TAMM41: variants seen among roughly 807,000 people sequenced by gnomAD.
TAMM41 encodes phosphatidate cytidylyltransferase, mitochondrial.
In TAMM41, 36 loss-of-function variants were observed where a neutral mutation model predicts 44.1. The observed-to-expected ratio is 0.82, with a 90% CI of 0.63 to 1.08. TAMM41 has a LOEUF of 1.08. Among genes scored for constraint, TAMM41 ranks in the 50% least tolerant of loss-of-function variants. The probability of loss-of-function intolerance (pLI) is 0.00; values close to 1 mark genes in which losing one functional copy is unlikely to be tolerated. For synonymous variants in TAMM41, 164 were observed against 153.1 expected (o/e 1.07, Z -0.53); for missense variants, 417 against 404.3 (o/e 1.03, Z -0.27).
intron 4 of TAMM41, among the ~76,000 whole-genome samples, chr3:11,820,025 C>T (rs984391445): frequency 6.6e-6 from 1 of 152,074 alleles, no homozygotes; most frequent in East Asian, 1.9e-4. Flanking sequence ...TGATTTTACT[C>T]TATAATTTCC....
chr3:11,845,839 A>C (rs2079658582), intron 1 of TAMM41, among the ~76,000 whole-genome samples: 2 of 152,196 alleles, frequency 1.3e-5, no homozygotes, highest in South Asian at 4.1e-4. Flanking sequence ...GTGCTGAGCC[A>C]ACTCTGAAAA....
intron 3 of TAMM41, among the ~76,000 whole-genome samples, chr3:11,838,402 G>A (rs867852973): frequency 5.3e-5 from 8 of 152,262 alleles, no homozygotes; most frequent in Middle Eastern, 6.8e-3. Context: ...ATTTTTAGTA[G>A]AGACGGGGTT....
At chr3:11,815,448 T>C (rs2078242431) in intron 5 of TAMM41, among the ~76,000 whole-genome samples, 1 of 152,118 alleles carries the variant, frequency 6.6e-6, no homozygotes, top group African/African-American at 2.4e-5. Context: ...TGTCAAGAGT[T>C]TGAGGATGAC....
the TAMM41 span, among the ~76,000 whole-genome samples, chr3:11,778,605 T>C: frequency 1.3e-5 from 2 of 152,180 alleles, no homozygotes; most frequent in African/African-American, 4.8e-5. Flanking sequence ...TAACACTTGT[T>C]TTTTTGTCCT....
At chr3:11,760,641 A>T in the TAMM41 span, among the ~76,000 whole-genome samples, 6 of 151,654 alleles carry the variant, frequency 4.0e-5, no homozygotes, top group Admixed American at 1.3e-4. Flanking sequence ...GCTCACTGCA[A>T]CCTCCACCTC....
At chr3:11,759,560 G>A in the TAMM41 span, among the ~76,000 whole-genome samples, 1 of 136,500 alleles carries the variant, frequency 7.3e-6, no homozygotes, top group African/African-American at 2.9e-5. Flanking sequence ...TGGATGAATG[G>A]GAATGCATAC....
chr3:11,784,242 T>C, the TAMM41 span, among the ~76,000 whole-genome samples: 37 of 152,322 alleles, frequency 2.4e-4, no homozygotes, highest in African/African-American at 8.4e-4. Context: ...TGCCTGTAAT[T>C]CTGGCACTTT....
chr3:11,737,028 T>C, the TAMM41 span, among the ~76,000 whole-genome samples: 6 of 151,668 alleles, frequency 4.0e-5, no homozygotes, highest in Admixed American at 1.3e-4. Flanking sequence ...CAGGAGTCCG[T>C]CTGCACCAGA....
the TAMM41 span, among the ~76,000 whole-genome samples, chr3:11,747,086 G>A: frequency 2.0e-5 from 3 of 152,014 alleles, no homozygotes; most frequent in African/African-American, 7.2e-5. Flanking sequence ...TTTATAAGAC[G>A]GAGCCTCCTT....
the TAMM41 span, among the ~76,000 whole-genome samples, chr3:11,725,283 CCTT>C: frequency 1.4e-5 from 2 of 139,594 alleles, no homozygotes; most frequent in African/African-American, 2.6e-5. Context: ...CTCTTCTCCT[CCTT>C]CTCCTTCTTC....
chr3:11,803,774 T>A (rs187649393), intron 7 of TAMM41, among the ~76,000 whole-genome samples: 204 of 152,314 alleles, frequency 1.3e-3, no homozygotes, highest in Non-Finnish European at 2.1e-3. Flanking sequence ...TGAAATAATG[T>A]CTTTTGCAGC....
At chr3:11,842,558 G>A (rs2079499529) in intron 2 of TAMM41, among the ~76,000 whole-genome samples, 1 of 151,494 alleles carries the variant, frequency 6.6e-6, no homozygotes, top group South Asian at 2.1e-4. Context: ...GCCAGGCGTG[G>A]TGGTATGTGC....
the TAMM41 span, among the ~76,000 whole-genome samples, chr3:11,722,172 C>G: frequency 6.6e-6 from 1 of 152,164 alleles, no homozygotes; most frequent in South Asian, 2.1e-4. Flanking sequence ...TTGGAGCGAA[C>G]CTTACTCTGC....
intron 4 of TAMM41, among the ~76,000 whole-genome samples, chr3:11,829,312 G>A (rs62248589): frequency 0.23 from 34,345 of 152,026 alleles, 4,774 homozygotes; most frequent in Admixed American, 0.31. Context: ...GTTTTAACCT[G>A]AGACTTCCTA....
At chr3:11,748,439 G>A in the TAMM41 span, among the ~76,000 whole-genome samples, 35 of 147,540 alleles carry the variant, frequency 2.4e-4, 2 homozygotes, top group South Asian at 1.3e-3. Context: ...CTGCCACCAC[G>A]TCTGGCTTTT....
chr3:11,813,437 C>T (rs1371515622), intron 5 of TAMM41, among the ~76,000 whole-genome samples: 2 of 151,962 alleles, frequency 1.3e-5, no homozygotes, highest in Non-Finnish European at 2.9e-5. Flanking sequence ...GGCTGAGGCA[C>T]AAGAATCGCT....
chr3:11,741,877 ACC>A, the TAMM41 span, among the ~76,000 whole-genome samples: 2 of 149,986 alleles, frequency 1.3e-5, 1 homozygote, highest in African/African-American at 5.1e-5. Flanking sequence ...CAATTGGATA[ACC>A]CAGATGGCTG....
intron 7 of TAMM41, among the ~76,000 whole-genome samples, chr3:11,794,401 G>C (rs1305851476): frequency 4.6e-5 from 7 of 152,222 alleles, no homozygotes; most frequent in Admixed American, 1.3e-4. Context: ...GCCTCCCAAA[G>C]TGCTAGGATT....
chr3:11,765,994 C>T, the TAMM41 span, among the ~76,000 whole-genome samples: 1 of 152,222 alleles, frequency 6.6e-6, no homozygotes, highest in Non-Finnish European at 1.5e-5. Context: ...AGCAACCACA[C>T]CCAGCCTGGA....
Sources: allele counts gnomAD v4.1 joint callset (sites outside exome capture counted in the v4.1 genomes callset), GRCh38; gene constraint gnomAD v4.1.1; transcripts MANE v1.5; gene names NCBI Gene and HGNC (gene_info 2026-07-23, HGNC 2026-07-21).